Variants in SORCS3 observed in about 807,000 individuals in gnomAD.
SORCS3 encodes VPS10 domain-containing receptor SorCS3.
A neutral mutation model predicts 146.3 loss-of-function variants in SORCS3; 57 were observed. That is an observed-to-expected ratio of 0.39 (90% CI 0.31 to 0.49). The LOEUF is 0.49. Ranked by LOEUF, SORCS3 falls within the 20% of genes least tolerant of loss-of-function variation. SORCS3 has a pLI of 0.92. For missense variants in SORCS3, 1,341 were observed against 1,575.5 expected, an observed-to-expected ratio of 0.85 and a Z score of 2.52; for synonymous variants, 653 against 618.5, an observed-to-expected ratio of 1.06 and a Z score of -0.83.
chr10:105,093,428 T>A (rs940641346), intron 6 of SORCS3, among the ~76,000 whole-genome samples: 1 of 152,160 alleles, frequency 6.6e-6, no homozygotes, highest in Non-Finnish European at 1.5e-5. Context: ...TTGAGCTTCA[T>A]CAAAATTTAC....
intron 7 of SORCS3, among the ~76,000 whole-genome samples, chr10:105,111,560 T>A (rs887680164): frequency 6.6e-6 from 1 of 152,220 alleles, no homozygotes. Flanking sequence ...TGACAATTGC[T>A]CAATGCGTAA....
chr10:104,813,834 C>G (rs1225640976), intron 1 of SORCS3, among the ~76,000 whole-genome samples: 1 of 151,472 alleles, frequency 6.6e-6, no homozygotes, highest in Non-Finnish European at 1.5e-5. Context: ...CCACCATTGT[C>G]GTGATCATTT....
At chr10:105,202,319 A>G (rs2119619226) in intron 16 of SORCS3, among the ~76,000 whole-genome samples, 1 of 152,176 alleles carries the variant, frequency 6.6e-6, no homozygotes, top group African/African-American at 2.4e-5. Flanking sequence ...TACTGTTCTT[A>G]CCTCATTCAC....
intron 3 of SORCS3, among the ~76,000 whole-genome samples, chr10:104,930,907 A>G (rs1454481092): frequency 6.6e-6 from 1 of 152,338 alleles, no homozygotes; most frequent in African/African-American, 2.4e-5. Flanking sequence ...GCAAATACTT[A>G]GTGAGTGACC....
At chr10:104,842,937 GTGGAC>G in intron 2 of SORCS3, 78 bp downstream of exon 2, 1 of 1,159,226 alleles carries the variant, frequency 8.6e-7, no homozygotes, top group Non-Finnish European at 1.3e-6. Flanking sequence ...GTTGGGAAGT[GTGGAC>G]TGGAAGGAGC....
chr10:104,915,009 A>C lies in SORCS3; in HGVS notation c.696-824A>C, dbSNP rs1292766689. ...AAAGGGAGGGAGGTCTCTGTGGGCC[A>C]GGGTTTGGGGACAGGTGAACAGTAT... On this transcript the variant is annotated intron_variant, in intron 2 of 26. Transcript: ENST00000369701. Among the ~76,000 whole-genome samples, 3 of 147,380 alleles carry C rather than the reference A, an allele frequency of 2.0e-5. No homozygotes were observed. The Admixed American group carries it at 2.0e-4, about 10-fold the overall frequency.
intron 1 of SORCS3, among the ~76,000 whole-genome samples, chr10:104,777,031 G>T (rs1802527101): frequency 1.3e-5 from 2 of 151,880 alleles, no homozygotes; most frequent in South Asian, 4.2e-4. Context: ...GAGGCTTTGG[G>T]GGCATCCTAC....
intron 1 of SORCS3, among the ~76,000 whole-genome samples, chr10:104,776,023 C>T (rs2017303703): frequency 6.6e-6 from 1 of 152,096 alleles, no homozygotes; most frequent in African/African-American, 2.4e-5. Context: ...GTGAATGAAC[C>T]TGGTATTTGC....
intron 7 of SORCS3, among the ~76,000 whole-genome samples, chr10:105,133,559 C>T (rs961529839): frequency 6.6e-6 from 1 of 152,144 alleles, no homozygotes; most frequent in Admixed American, 6.5e-5. Flanking sequence ...AGTTTTCTGA[C>T]CTGTATGAAA....
At chr10:104,937,714 A>C (rs1028474551) in intron 3 of SORCS3, among the ~76,000 whole-genome samples, 1 of 152,186 alleles carries the variant, frequency 6.6e-6, no homozygotes, top group Non-Finnish European at 1.5e-5. Flanking sequence ...GAGTCAATAC[A>C]AAAAGAATGA....
intron 17 of SORCS3, among the ~76,000 whole-genome samples, chr10:105,213,443 T>A (rs571388497): frequency 1.3e-5 from 2 of 152,332 alleles, no homozygotes; most frequent in South Asian, 4.1e-4. Context: ...CAAAATGTAA[T>A]GGGCATGTAA....
chr10:105,142,668 C>T (rs2056103554), intron 8 of SORCS3, among the ~76,000 whole-genome samples: 1 of 152,140 alleles, frequency 6.6e-6, no homozygotes. Context: ...ATCATGCCAC[C>T]TGCACACCCT....
At chr10:105,189,289 A>G (rs1355256121) in intron 14 of SORCS3, among the ~76,000 whole-genome samples, 1 of 152,120 alleles carries the variant, frequency 6.6e-6, no homozygotes, top group Non-Finnish European at 1.5e-5. Flanking sequence ...CTGTCTCTGG[A>G]TAGGAGTAGG....
chr10:104,713,128 CGTGTGTGTGT>C (rs5787541), intron 1 of SORCS3, among the ~76,000 whole-genome samples: 1 of 150,052 alleles, frequency 6.7e-6, no homozygotes, highest in Non-Finnish European at 1.5e-5. Flanking sequence ...AGTGTGTGTG[CGTGTGTGTGT>C]GTGTGTGTGT....
chr10:104,983,048 G>A (rs1161033651), intron 4 of SORCS3, among the ~76,000 whole-genome samples: 1 of 151,714 alleles, frequency 6.6e-6, no homozygotes, highest in African/African-American at 2.4e-5. Context: ...TACCCATGCT[G>A]GAGTAAAGTG....
chr10:105,224,121 T>C (rs2056720382), intron 20 of SORCS3, among the ~76,000 whole-genome samples: 1 of 152,228 alleles, frequency 6.6e-6, no homozygotes, highest in South Asian at 2.1e-4. Flanking sequence ...TACTTTAGAT[T>C]CATTTCTGGT....
chr10:105,041,384 T>G (rs2055337055), intron 4 of SORCS3, among the ~76,000 whole-genome samples: 2 of 148,024 alleles, frequency 1.4e-5, no homozygotes, highest in African/African-American at 2.5e-5. Flanking sequence ...CTGACAACAT[T>G]ACAGGCTATT....
At chr10:105,088,669 C>T (rs1366726710) in intron 5 of SORCS3, among the ~76,000 whole-genome samples, 1 of 152,214 alleles carries the variant, frequency 6.6e-6, no homozygotes, top group Non-Finnish European at 1.5e-5. Flanking sequence ...TAGATGTCAG[C>T]ACTGAACTGT....
chr10:105,240,464 C>A lies in SORCS3; in HGVS notation c.2869-5078C>A, dbSNP rs1589704401. ...TGTGCAGTGAACATCAACATACACA[C>A]CACCTGTAGTCTACCATTAGTATTT... is the stretch of plus-strand genomic sequence containing the variant. On this transcript the variant is annotated intron_variant, in intron 20 of 26. Coordinates refer to ENST00000369701, the MANE Select transcript of SORCS3 (RefSeq NM_014978.3). 2.0e-5 allele frequency among the ~76,000 whole-genome samples: 3 copies of A among 152,292 alleles called. No individual in the cohort carries two copies. In the South Asian group the frequency reaches 6.2e-4, roughly 32 times the overall value.
Sources: allele counts gnomAD v4.1 joint callset (sites outside exome capture counted in the v4.1 genomes callset), GRCh38; gene constraint gnomAD v4.1.1; transcripts MANE v1.5; gene names NCBI Gene and HGNC (gene_info 2026-07-23, HGNC 2026-07-21).